MTUS2: variants seen among roughly 807,000 people sequenced by gnomAD.
MTUS2 encodes microtubule associated scaffold protein 2, also known as microtubule-associated tumor suppressor candidate 2.
In MTUS2, 40 loss-of-function variants were observed where a neutral mutation model predicts 114.1. That is an observed-to-expected ratio of 0.35 (90% CI 0.27 to 0.46). The LOEUF (loss-of-function observed/expected upper bound fraction) is 0.46, where lower values mean the gene tolerates loss of function less well. MTUS2 is among the 20% of genes least tolerant of loss of function. MTUS2 has a pLI of 1.00. For synonymous variants in MTUS2, 688 were observed against 672.0 expected, an observed-to-expected ratio of 1.02 and a Z score of -0.37; for missense variants, 1,679 against 1,705.4, an observed-to-expected ratio of 0.98 and a Z score of 0.27.
chr13:29,389,351 GTATATA>G lies in MTUS2; in HGVS notation c.3117+29880_3117+29885del, dbSNP rs1214574786. 7.2e-4 allele frequency among the ~76,000 whole-genome samples: 44 copies of G among 61,020 alleles called. 2 individuals carry two copies. The highest frequency in any genetic ancestry group is 3.8e-3 in the East Asian group (8 of 2,086). 40.0% of individuals were successfully genotyped at this position (61,020 alleles called of 152,430 possible). ...TGTGTATATATGTATGCACGTGTGT[GTATATA>G]TGTATGCACGTGTGTGTATATATGT... On this transcript the variant is annotated intron_variant, in intron 8 of 15. Coordinates refer to ENST00000612955, the MANE Select transcript of MTUS2 (RefSeq NM_001033602.4).
At chr13:29,221,276 T>C (rs1026336844) in intron 5 of MTUS2, among the ~76,000 whole-genome samples, 2 of 152,250 alleles carry the variant, frequency 1.3e-5, no homozygotes, top group Non-Finnish European at 2.9e-5. Context: ...AGGGTTAGTA[T>C]ATTGTTCTTA....
At chr13:29,327,676 A>G (rs1383010332) in intron 7 of MTUS2, among the ~76,000 whole-genome samples, 1 of 144,898 alleles carries the variant, frequency 6.9e-6, no homozygotes, top group East Asian at 2.0e-4. Context: ...GTAAAGCCAA[A>G]TCTTTGTACA....
intron 2 of MTUS2, among the ~76,000 whole-genome samples, chr13:28,916,118 G>T (rs572905674): frequency 6.6e-6 from 1 of 151,668 alleles, no homozygotes; most frequent in Non-Finnish European, 1.5e-5. Flanking sequence ...AGGTGTTTGG[G>T]TTGTTTCTGG....
chr13:29,314,854 T>G (rs189220497), intron 6 of MTUS2, among the ~76,000 whole-genome samples: 1 of 152,310 alleles, frequency 6.6e-6, no homozygotes, highest in African/African-American at 2.4e-5. Context: ...GATCAGAACA[T>G]TGTAGAGGTA....
chr13:29,180,868 A>C (rs1399905898), intron 5 of MTUS2, among the ~76,000 whole-genome samples: 3 of 152,132 alleles, frequency 2.0e-5, no homozygotes, highest in Non-Finnish European at 4.4e-5. Flanking sequence ...AGCAAGTATA[A>C]TTTTCCACAA....
chr13:29,307,076 G>C (rs1381470851), intron 6 of MTUS2: 1 of 484,996 alleles, frequency 2.1e-6, no homozygotes, highest in East Asian at 4.8e-5. Context: ...GAGTCCACCA[G>C]CATCTTCACC....
intron 2 of MTUS2, among the ~76,000 whole-genome samples, chr13:28,900,483 T>C (rs1017745524): frequency 6.6e-5 from 10 of 152,226 alleles, no homozygotes; most frequent in African/African-American, 2.4e-4. Context: ...CAACTGCTGA[T>C]CTGTTCTCCA....
rs751020009 is a variant in MTUS2 at position 29,071,409 on chromosome 13, A to ATTTT, written c.2447-29333_2447-29330dup. ...TTTAAAAGATCTCTATGTTGCTTGA[A>ATTTT]TTTTTTTTTTTTTTTTTTTTTTTTT... On this transcript the variant is annotated intron_variant, in intron 4 of 15. Coordinates refer to ENST00000612955, the MANE Select transcript of MTUS2 (RefSeq NM_001033602.4). 9.8e-4 allele frequency among the ~76,000 whole-genome samples: 45 copies of ATTTT among 46,142 alleles called. 8 individuals are homozygous for ATTTT. The highest frequency in any genetic ancestry group is 4.0e-3 in the African/African-American group (37 of 9,168). 30.3% of individuals were successfully genotyped at this position (46,142 alleles called of 152,430 possible). A position where few individuals can be genotyped will look rare whatever the true frequency, so the allele number is the denominator to read the frequency against.
At chr13:29,490,985 ATGTGTG>A (rs71090259) in intron 11 of MTUS2, among the ~76,000 whole-genome samples, 6 of 148,330 alleles carry the variant, frequency 4.0e-5, no homozygotes, top group Non-Finnish European at 7.5e-5. Context: ...AGAAGTGTGG[ATGTGTG>A]TGTGTGTGTG....
chr13:29,001,276 C>G (rs1242503488), intron 2 of MTUS2, among the ~76,000 whole-genome samples: 1 of 152,190 alleles, frequency 6.6e-6, no homozygotes, highest in Admixed American at 6.5e-5. Context: ...TAGGGTTCAT[C>G]ATAAACCACA....
rs1274569472 is a variant in MTUS2 at position 28,893,264 on chromosome 13, CT to C, written c.-243+53415del. On this transcript the variant is annotated intron_variant, in intron 2 of 15. Coordinates refer to ENST00000612955, the MANE Select transcript of MTUS2 (RefSeq NM_001033602.4). ...CTTGAAAAGCTATTTATTAAGCCAG[CT>C]GGGAAGAGGTATTCATGTAGGGAAA... Among the ~76,000 whole-genome samples, 9 of 152,220 alleles carry C rather than the reference CT, an allele frequency of 5.9e-5. No homozygotes were observed. In the East Asian group the frequency reaches 1.4e-3, roughly 23 times the overall value.
intron 4 of MTUS2, among the ~76,000 whole-genome samples, chr13:29,052,177 T>G (rs1042683481): frequency 6.6e-6 from 1 of 152,156 alleles, no homozygotes; most frequent in Non-Finnish European, 1.5e-5. Flanking sequence ...TTTGCTCAGC[T>G]TTTTTCTTAG....
chr13:28,915,749 T>C (rs1398762787), intron 2 of MTUS2, among the ~76,000 whole-genome samples: 1 of 151,900 alleles, frequency 6.6e-6, no homozygotes, highest in Non-Finnish European at 1.5e-5. Context: ...TTTTGTGGGT[T>C]CTCTCTTCAT....
chr13:29,019,999 A>G (rs1886226692), intron 2 of MTUS2, among the ~76,000 whole-genome samples: 1 of 152,204 alleles, frequency 6.6e-6, no homozygotes, highest in Non-Finnish European at 1.5e-5. Context: ...TGGTGGAAGA[A>G]TTGCATCATT....
chr13:29,214,475 A>G (rs544068106), intron 5 of MTUS2, among the ~76,000 whole-genome samples: 1 of 152,142 alleles, frequency 6.6e-6, no homozygotes, highest in Non-Finnish European at 1.5e-5. Context: ...ACATTTTGGT[A>G]TATTTTTGCA....
chr13:29,376,447 G>T (rs1173329115), intron 8 of MTUS2, among the ~76,000 whole-genome samples: 3 of 152,030 alleles, frequency 2.0e-5, no homozygotes, highest in Non-Finnish European at 4.4e-5. Flanking sequence ...ACTTAAAATG[G>T]AATACTAAAA....
Position 29,209,087 on chromosome 13 carries a change from T to C in MTUS2, c.2645-72617T>C, listed in dbSNP as rs1345994128. Among the ~76,000 whole-genome samples, 7 of 152,294 alleles carry C rather than the reference T, an allele frequency of 4.6e-5. No individual in the cohort carries two copies. In the East Asian group the frequency reaches 1.3e-3, roughly 29 times the overall value. Reference sequence around the variant, plus strand: ...TTTTTTAAAGTCTATTAGTAATTGTTTTATAAATGTGGGAGCTCCAGTGTT... The same window carrying C: ...TTTTTTAAAGTCTATTAGTAATTGTCTTATAAATGTGGGAGCTCCAGTGTT... On this transcript the variant is annotated intron_variant, in intron 5 of 15. Coordinates refer to ENST00000612955, the MANE Select transcript of MTUS2 (RefSeq NM_001033602.4).
intron 13 of MTUS2, 81 bp from the exon 14 acceptor site, chr13:29,498,337 T>G: frequency 1.9e-6 from 3 of 1,583,580 alleles, no homozygotes; most frequent in South Asian, 1.2e-5. Flanking sequence ...GAGGATAGAT[T>G]TAGCTGGATT....
rs139304459 is a variant in MTUS2 at position 28,923,354 on chromosome 13, A to T, written c.-243+83504A>T. ...ATTGAGTTCTGATTGTGTTCTGGAC[A>T]TTTTGGTTATTCCATTGGGAGCTTC... On this transcript the variant is annotated intron_variant, in intron 2 of 15. Transcript: ENST00000612955. Among the ~76,000 whole-genome samples, 733 of 152,262 alleles carry T rather than the reference A, an allele frequency of 4.8e-3. 2 individuals carry two copies. Among genetic ancestry groups the T allele is most frequent in the African/African-American group, 0.017 (696 of 41,564 alleles).
Sources: gnomAD v4.1 joint callset for allele counts (sites outside exome capture counted in the v4.1 genomes callset) on GRCh38, gnomAD v4.1.1 for gene constraint, MANE v1.5 for transcripts, NCBI Gene and HGNC (gene_info 2026-07-23, HGNC 2026-07-21) for gene names.